Variants in SRGAP3 observed in about 807,000 individuals in gnomAD.
The protein encoded by SRGAP3 is SLIT-ROBO Rho GTPase-activating protein 3.
A neutral mutation model predicts 121.1 loss-of-function variants in SRGAP3; 39 were observed. The observed-to-expected ratio is 0.32, with a 90% confidence interval of 0.25 to 0.42. The LOEUF is 0.42. Ranked by LOEUF, SRGAP3 falls within the 10% of genes least tolerant of loss-of-function variation. The pLI is 1.00. For synonymous variants in SRGAP3, 601 were observed against 570.0 expected (o/e 1.05, Z -0.77); for missense variants, 1,213 against 1,470.6 (o/e 0.82, Z 2.86).
At chr3:9,015,277 C>T (rs1377892751) in intron 15 of SRGAP3, among the ~76,000 whole-genome samples, 1 of 152,154 alleles carries the variant, frequency 6.6e-6, no homozygotes, top group Non-Finnish European at 1.5e-5. Context: ...GTCTATGTCC[C>T]TTGCGCTTCC....
chr3:9,311,264 G>A (rs1458696539), intron 3 of SRGAP3, among the ~76,000 whole-genome samples: 1 of 152,140 alleles, frequency 6.6e-6, no homozygotes, highest in Non-Finnish European at 1.5e-5. Context: ...ATAAACTCTA[G>A]GAAGATAATC....
At chr3:9,080,160 C>T (rs548283728) in intron 3 of SRGAP3, 73 bp from the exon 4 acceptor site, 7 of 1,524,828 alleles carry the variant, frequency 4.6e-6, no homozygotes, top group South Asian at 2.3e-5. Context: ...TTTTCAAAAG[C>T]GAAAGGTCAG....
At chr3:9,055,378 C>T (rs1389502185) in intron 8 of SRGAP3, among the ~76,000 whole-genome samples, 1 of 152,242 alleles carries the variant, frequency 6.6e-6, no homozygotes, top group Non-Finnish European at 1.5e-5. Context: ...TCACTCCCTC[C>T]ATCCTGGTGT....
intron 14 of SRGAP3, among the ~76,000 whole-genome samples, chr3:9,022,057 A>G (rs1261885702): frequency 6.6e-6 from 1 of 152,214 alleles, no homozygotes; most frequent in Non-Finnish European, 1.5e-5. Flanking sequence ...GGCCAGGCGC[A>G]GTGGCTCACG....
At chr3:9,341,454 C>A (rs1161395890) in intron 1 of SRGAP3, among the ~76,000 whole-genome samples, 1 of 152,144 alleles carries the variant, frequency 6.6e-6, no homozygotes, top group African/African-American at 2.4e-5. Context: ...GAAATAAATA[C>A]CCAGGAGAAG....
At chr3:9,099,182 C>T (rs998031306) in intron 3 of SRGAP3, among the ~76,000 whole-genome samples, 2 of 152,184 alleles carry the variant, frequency 1.3e-5, no homozygotes, top group African/African-American at 2.4e-5. Flanking sequence ...ATCTTCGAGG[C>T]GGGAACGAGA....
chr3:9,141,553 GGTGTGTGTGT>G (rs3067669), intron 1 of SRGAP3, among the ~76,000 whole-genome samples: 4,036 of 138,434 alleles, frequency 0.029, 93 homozygotes, highest in African/African-American at 0.043. Context: ...TGACTTCAGG[GGTGTGTGTGT>G]GTGTGTGTGT....
intron 1 of SRGAP3, among the ~76,000 whole-genome samples, chr3:9,231,647 C>T (rs550257968): frequency 4.6e-5 from 7 of 152,152 alleles, no homozygotes; most frequent in African/African-American, 1.4e-4. Context: ...CACAAGAATT[C>T]GGGAATGAAT....
chr3:9,232,380 T>C (rs1047463934), intron 1 of SRGAP3, among the ~76,000 whole-genome samples: 1 of 152,124 alleles, frequency 6.6e-6, no homozygotes, highest in Admixed American at 6.6e-5. Flanking sequence ...AGGTCTTCTT[T>C]CCCCTGTCCC....
chr3:9,033,548 C>T (rs892267746), intron 11 of SRGAP3: 3 of 152,482 alleles, frequency 2.0e-5, no homozygotes, highest in African/African-American at 7.2e-5. Context: ...CTCAGCCTCC[C>T]GAGTAGCTGG....
chr3:8,993,491 C>T (rs1412236482), intron 19 of SRGAP3, among the ~76,000 whole-genome samples: 1 of 152,198 alleles, frequency 6.6e-6, no homozygotes, highest in Non-Finnish European at 1.5e-5. Flanking sequence ...CCTCACCTCC[C>T]CACCCAGGGC....
intron 3 of SRGAP3, among the ~76,000 whole-genome samples, chr3:9,286,851 C>T (rs1954784391): frequency 1.3e-5 from 2 of 151,958 alleles, no homozygotes; most frequent in Admixed American, 1.3e-4. Context: ...ATCTGCCTGC[C>T]TCAGCCTCCC....
intron 1 of SRGAP3, among the ~76,000 whole-genome samples, chr3:9,166,674 C>T (rs953450484): frequency 2.0e-5 from 3 of 152,172 alleles, no homozygotes; most frequent in Admixed American, 6.5e-5. Context: ...AAGCATAGTA[C>T]TTTGGGGTGT....
chr3:9,000,561 G>T (rs1025167697), intron 18 of SRGAP3, among the ~76,000 whole-genome samples: 1 of 152,192 alleles, frequency 6.6e-6, no homozygotes, highest in African/African-American at 2.4e-5. Flanking sequence ...AGTTCAAGTC[G>T]AAGGGGACTC....
intron 2 of SRGAP3, among the ~76,000 whole-genome samples, chr3:9,115,358 T>C (rs1188630409): frequency 6.6e-6 from 1 of 152,238 alleles, no homozygotes; most frequent in Admixed American, 6.5e-5. Flanking sequence ...CATATTACTG[T>C]TTGTGAAAAT....
At chr3:9,141,271 T>C (rs1197068664) in intron 1 of SRGAP3, among the ~76,000 whole-genome samples, 2 of 152,204 alleles carry the variant, frequency 1.3e-5, no homozygotes, top group Non-Finnish European at 2.9e-5. Flanking sequence ...CCTCTGGCCA[T>C]GTGTGCATTC....
At position 9,259,962 on chromosome 3, in the gene SRGAP3, T is replaced by C. The variant is rs548414499; in HGVS notation, n.442+66048A>G. Among the ~76,000 whole-genome samples the C allele has an allele frequency of 5.3e-5, 8 of 151,196 alleles. No individual in the cohort carries two copies. In the South Asian group the frequency reaches 6.3e-4, roughly 12 times the overall value. On this transcript the variant is annotated intron_variant and non_coding_transcript_variant, in intron 3 of 3. Coordinates refer to the SRGAP3 transcript ENST00000490889. ...CAACTGAGGTACCCACCTCATCTCA[T>C]TGGGCCTGGTTAGACAGTGGGTACA...
chr3:9,009,516 A>AT lies in SRGAP3; in HGVS notation c.2227+791dup, dbSNP rs914386764. Among the ~76,000 whole-genome samples the AT allele has an allele frequency of 3.9e-5, 6 of 152,090 alleles. No individual in the cohort carries two copies. In the South Asian group the frequency reaches 6.2e-4, roughly 16 times the overall value. On this transcript the variant is annotated intron_variant, in intron 18 of 21. Coordinates refer to ENST00000383836, the MANE Select transcript of SRGAP3 (RefSeq NM_014850.4). ...ATAATCCAGACTGGATATTGTGTTC[A>AT]TTTTTTTTCTGATTTTAAAAGAAAT...
At chr3:9,306,457 C>T (rs1409065775) in intron 3 of SRGAP3, among the ~76,000 whole-genome samples, 2 of 152,154 alleles carry the variant, frequency 1.3e-5, no homozygotes, top group Non-Finnish European at 2.9e-5. Flanking sequence ...GTTGCCCTTG[C>T]TTTTGGTGTT....
Sources: gnomAD v4.1 joint callset for allele counts (sites outside exome capture counted in the v4.1 genomes callset) on GRCh38, gnomAD v4.1.1 for gene constraint, MANE v1.5 for transcripts, NCBI Gene and HGNC (gene_info 2026-07-23, HGNC 2026-07-21) for gene names.